Variants in AP1B1 observed in about 807,000 individuals in gnomAD.
The protein encoded by AP1B1 is AP-1 complex subunit beta-1.
A neutral mutation model predicts 104.3 loss-of-function variants in AP1B1; 36 were observed. That is an observed-to-expected ratio of 0.35 (90% CI 0.26 to 0.46). The LOEUF (loss-of-function observed/expected upper bound fraction) is 0.46, where lower values mean the gene tolerates loss of function less well. Among genes scored for constraint, AP1B1 ranks in the 20% least tolerant of loss-of-function variants. AP1B1 has a pLI of 1.00. For synonymous variants in AP1B1, 504 were observed against 517.5 expected (o/e 0.97, Z 0.35); for missense variants, 901 against 1,247.9 (o/e 0.72, Z 4.19).
intron 1 of AP1B1, among the ~76,000 whole-genome samples, chr22:29,378,466 T>C (rs1341957427): frequency 1.3e-5 from 2 of 148,964 alleles, no homozygotes; most frequent in African/African-American, 2.5e-5. Context: ...GGTGGGAAGA[T>C]TGCTTGAGCC....
intron 22 of AP1B1, chr22:29,329,143 C>T (rs1158542348): frequency 3.0e-6 from 4 of 1,319,632 alleles, no homozygotes; most frequent in African/African-American, 1.5e-5. Context: ...GCCCTGCTGG[C>T]GAGCAGTGTG....
At chr22:29,387,947 T>G (rs932029788) in intron 1 of AP1B1, among the ~76,000 whole-genome samples, 1 of 152,200 alleles carries the variant, frequency 6.6e-6, no homozygotes, top group Non-Finnish European at 1.5e-5. Context: ...TAACTTGTCT[T>G]AGAGGCTCCA....
chr22:29,387,548 C>T (rs2062548201), intron 1 of AP1B1, among the ~76,000 whole-genome samples: 1 of 152,138 alleles, frequency 6.6e-6, no homozygotes, highest in South Asian at 2.1e-4. Context: ...CCTCACGATC[C>T]ACCCGCCTCA....
At chr22:29,363,818 G>A (rs975492338) in intron 2 of AP1B1, among the ~76,000 whole-genome samples, 4 of 151,994 alleles carry the variant, frequency 2.6e-5, no homozygotes, top group Admixed American at 2.6e-4. Flanking sequence ...AATCGTTTGA[G>A]CCCAGAGATC....
At chr22:29,371,169 T>C (rs1032902997) in intron 1 of AP1B1, among the ~76,000 whole-genome samples, 1 of 152,186 alleles carries the variant, frequency 6.6e-6, no homozygotes, top group South Asian at 2.1e-4. Flanking sequence ...CTTTCTCCAT[T>C]GTGAGCACCT....
rs114568426 is a variant in AP1B1, at chr22:29,353,269, G to A, written c.938+1381C>T. 5.0e-3 allele frequency among the ~76,000 whole-genome samples: 768 copies of A among 152,252 alleles called. 7 individuals carry two copies. The highest frequency in any genetic ancestry group is 0.017 in the African/African-American group (707 of 41,550). On this transcript the variant is annotated intron_variant, in intron 7 of 22. Coordinates refer to ENST00000357586, the MANE Select transcript of AP1B1 (RefSeq NM_001127.4). ...TACTCTGTGCTGCTGTGCACACTGC[G>A]GGGAGGTCCTGGCCAAGCAAGGAGC...
chr22:29,340,816 G>A lies in AP1B1; in HGVS notation c.1838C>T (p.Ala613Val). ...AESPETAPTG[A>V]PPGEQPDVIP... ...GACATCTGGCTGCTCCCCAGGAGGTGCTCCAGTAGGGGCTGTCTCAGGGCT... is the reference window on the plus strand; with the variant it reads ...GACATCTGGCTGCTCCCCAGGAGGTACTCCAGTAGGGGCTGTCTCAGGGCT... Residue 613 changes from alanine to valine, a missense_variant, in exon 14 of 23, where the codon GCA (alanine) becomes GTA (valine). Physicochemically the swap from Ala to Val is moderately conservative, Grantham distance 64. Around this residue, in one of 3 missense-constraint regions of AP1B1, gnomAD observed 424 missense variants for 494.0 expected, o/e 0.86. Coordinates refer to ENST00000357586, the MANE Select transcript of AP1B1 (RefSeq NM_001127.4). The A allele has an allele frequency of 1.9e-6, 3 of 1,599,926 alleles. No homozygotes were observed. The highest frequency in any genetic ancestry group is 2.6e-6 in the Non-Finnish European group (3 of 1,174,734).
chr22:29,329,954 T>C (rs2061532533), intron 21 of AP1B1: 6 of 1,419,940 alleles, frequency 4.2e-6, no homozygotes, highest in South Asian at 1.5e-5. Flanking sequence ...CCAGGACAAC[T>C]GTGTGCCCCA....
intron 10 of AP1B1, 133 bp from the exon 11 acceptor site, chr22:29,349,516 TTTTG>T: frequency 1.1e-6 from 1 of 909,482 alleles, no homozygotes; most frequent in Non-Finnish European, 1.6e-6. Flanking sequence ...GGGATCTGAG[TTTTG>T]TTTTTTTTTT....
Position 29,364,568 on chromosome 22 carries a change from G to A in AP1B1, c.38-1462C>T, listed in dbSNP as rs183300287. The stretch of plus-strand genomic sequence containing the variant: ...CGGGTAGCTGGGACTACAGGCGTGC[G>A]CCATCACACCCAGCTAATTTTTGTA... On this transcript the variant is annotated intron_variant, in intron 2 of 22. Coordinates refer to ENST00000357586, the MANE Select transcript of AP1B1 (RefSeq NM_001127.4). Among the ~76,000 whole-genome samples the A allele has an allele frequency of 3.3e-5, 5 of 151,926 alleles. No individual in the cohort carries two copies. The East Asian group carries it at 7.7e-4, about 24-fold the overall frequency.
rs78860367 is a variant in AP1B1, at chr22:29,359,007, G to A, written c.280-36C>T. On this transcript the variant is annotated intron_variant, in intron 4 of 22. Transcript: ENST00000357586. Reference sequence around the variant, plus strand: ...CCAGCCATCGGCCAGGGCAGGGGTGGGATGAGCCATCTGTGGCTTCATATT... The same window carrying A: ...CCAGCCATCGGCCAGGGCAGGGGTGAGATGAGCCATCTGTGGCTTCATATT... The A allele has an allele frequency of 1.4e-3, 2,206 of 1,569,630 alleles. 28 individuals are homozygous for A. In the African/African-American group the frequency reaches 0.026, roughly 19 times the overall value.
Position 29,358,955 on chromosome 22 carries a change from T to C in AP1B1, c.296A>G (p.Asn99Ser), listed in dbSNP as rs940235367. 5 of 1,609,522 alleles carry C rather than the reference T, an allele frequency of 3.1e-6. No individual in the cohort carries two copies. The highest frequency in any genetic ancestry group is 4.5e-5 in the East Asian group (2 of 44,744). ...NTFVKDCEDP[N>S]PLIRALAVRT... ...CACTGCCAGGGCTCGGATGAGGGGG[T>C]TGGGGTCCTCACAGTCCTGGGGGGA... is the stretch of plus-strand genomic sequence containing the variant. The change falls in exon 5 of 23, where the codon AAC becomes AGC. Residue 99 changes from asparagine (N) to serine (S), a missense_variant. Coordinates refer to ENST00000357586, the MANE Select transcript of AP1B1 (RefSeq NM_001127.4).
chr22:29,349,515 GTT>G (rs2061841303), intron 10 of AP1B1, 132 bp from the exon 11 acceptor site: 1 of 889,968 alleles, frequency 1.1e-6, no homozygotes, highest in Non-Finnish European at 1.7e-6. Flanking sequence ...GGGGATCTGA[GTT>G]TTGTTTTTTT....
At chr22:29,350,802 T>C (rs2061862440) in intron 9 of AP1B1, among the ~76,000 whole-genome samples, 2 of 152,196 alleles carry the variant, frequency 1.3e-5, no homozygotes, top group Admixed American at 1.3e-4. Context: ...CAGAGGCACG[T>C]GGGCAGCTGA....
At position 29,331,549 on chromosome 22, in the gene AP1B1, T is replaced by A; in HGVS notation, c.2440-16A>T. 1.2e-6 allele frequency: 2 copies of A among 1,613,862 alleles called. No homozygotes were observed. The highest frequency in any genetic ancestry group is 1.3e-5 in the African/African-American group (1 of 74,940). ...TCACGGCCACCTAGGCACAAGGGGG[T>A]CCCCAGTCAGTCTCTGGGGCTTGAC... On this transcript the variant is annotated splice_polypyrimidine_tract_variant and intron_variant, in intron 18 of 22. Coordinates refer to ENST00000357586, the MANE Select transcript of AP1B1 (RefSeq NM_001127.4).
chr22:29,375,762 A>C (rs756893576), intron 1 of AP1B1, among the ~76,000 whole-genome samples: 6 of 152,218 alleles, frequency 3.9e-5, no homozygotes, highest in Non-Finnish European at 7.3e-5. Context: ...CAAACAAAAG[A>C]ATATGATTAA....
At chr22:29,331,762 G>A in intron 18 of AP1B1, 25 bp downstream of exon 18, 1 of 1,614,146 alleles carries the variant, frequency 6.2e-7, no homozygotes, top group East Asian at 2.2e-5. Context: ...TAAGGACTGG[G>A]GTGCCTGCCC....
At position 29,356,651 on chromosome 22, in the gene AP1B1, G is replaced by C. The variant is rs1164575164; in HGVS notation, c.526-35C>G. 6.9e-6 allele frequency: 11 copies of C among 1,599,952 alleles called. No homozygotes were observed. The East Asian group carries it at 2.5e-4, about 36-fold the overall frequency. On this transcript the variant is annotated intron_variant, in intron 5 of 22. Transcript: ENST00000357586. Reference sequence around the variant, plus strand: ...AGGGTGGGAGGGGCAGAGGCTGGGGGTGCTGCTCACAGGCCAGGGGGCAGT... The same window carrying C: ...AGGGTGGGAGGGGCAGAGGCTGGGGCTGCTGCTCACAGGCCAGGGGGCAGT...
At chr22:29,386,350 G>C (rs192344478) in intron 1 of AP1B1, among the ~76,000 whole-genome samples, 134 of 152,328 alleles carry the variant, frequency 8.8e-4, no homozygotes, top group African/African-American at 2.9e-3. Context: ...CTGGGCTCTT[G>C]AAGCAGCTCA....
Sources: gnomAD v4.1 joint callset for allele counts (sites outside exome capture counted in the v4.1 genomes callset) on GRCh38, gnomAD v4.1.1 for gene constraint, gnomAD v4.1.1 regional missense constraint, MANE v1.5 for transcripts, NCBI Gene and HGNC (gene_info 2026-07-23, HGNC 2026-07-21) for gene names.